The following SVEP1 variants were observed in gnomAD, a reference collection of about 807,000 sequenced individuals.
SVEP1 encodes the protein sushi, von Willebrand factor type A, EGF and pentraxin domain containing 1.
In SVEP1, 164 loss-of-function variants were observed where a neutral mutation model predicts 367.3. That is an observed-to-expected ratio of 0.45 (90% CI 0.39 to 0.51). SVEP1 has a LOEUF of 0.51. Ranked by LOEUF, SVEP1 falls within the 20% of genes least tolerant of loss-of-function variation. SVEP1 has a pLI of 0.00. For missense variants in SVEP1, 4,117 were observed against 4,425.3 expected (o/e 0.93, Z 1.98); for synonymous variants, 1,666 against 1,611.6 (o/e 1.03, Z -0.81).
rs564499879 is a variant in SVEP1, at chr9:110,540,116, ATTG to A, written c.964+5996_964+5998del. 5.4e-3 allele frequency among the ~76,000 whole-genome samples: 829 copies of A among 152,220 alleles called. 4 individuals are homozygous for A. The highest frequency in any genetic ancestry group is 9.7e-3 in the Non-Finnish European group (661 of 67,996). The stretch of plus-strand genomic sequence containing the variant: ...TAAGCACTATTTAATATTAGCTACT[ATTG>A]TTATTATTATCAGTTATTGCTCTCA... On this transcript the variant is annotated intron_variant, in intron 3 of 47. Transcript: ENST00000374469.
At chr9:110,452,444 G>C (rs993603466) in intron 22 of SVEP1, among the ~76,000 whole-genome samples, 5 of 152,184 alleles carry the variant, frequency 3.3e-5, no homozygotes, top group African/African-American at 1.2e-4. Flanking sequence ...GTAGGATACA[G>C]GTGCATAATT....
chr9:110,463,997 G>A (rs940792378), intron 18 of SVEP1, among the ~76,000 whole-genome samples: 1 of 151,984 alleles, frequency 6.6e-6, no homozygotes, highest in African/African-American at 2.4e-5. Flanking sequence ...TAATAATTTA[G>A]TATTAGACAA....
chr9:110,539,792 C>G (rs1830122338), intron 3 of SVEP1, among the ~76,000 whole-genome samples: 1 of 151,908 alleles, frequency 6.6e-6, no homozygotes, highest in Non-Finnish European at 1.5e-5. Flanking sequence ...GCTGCCAAAG[C>G]AAGCACAAAA....
rs961108797 is a variant in SVEP1, at chr9:110,394,577, G to A, written c.9823-4990C>T. Among the ~76,000 whole-genome samples the A allele has an allele frequency of 9.2e-5, 14 of 152,094 alleles. No homozygotes were observed. In the East Asian group the frequency reaches 1.5e-3, roughly 17 times the overall value. On this transcript the variant is annotated intron_variant, in intron 40 of 47. Coordinates refer to ENST00000374469, the MANE Select transcript of SVEP1 (RefSeq NM_153366.4). ...CTCAGCTACAGGAGGAAGTTCAAAC[G>A]AATGGCAAAGAAGTTAACAACTTTG...
At chr9:110,456,661 T>C (rs1405688656) in intron 21 of SVEP1, among the ~76,000 whole-genome samples, 1 of 152,208 alleles carries the variant, frequency 6.6e-6, no homozygotes, top group Non-Finnish European at 1.5e-5. Context: ...AAAATGATTA[T>C]TTTAAATTAA....
chr9:110,475,625 T>A (rs977959671), intron 14 of SVEP1, among the ~76,000 whole-genome samples: 1 of 151,752 alleles, frequency 6.6e-6, no homozygotes, highest in Non-Finnish European at 1.5e-5. Context: ...AGCCTCGAAC[T>A]CCTGGGCTCA....
chr9:110,511,080 G>T (rs1829703655), intron 5 of SVEP1, among the ~76,000 whole-genome samples: 1 of 152,154 alleles, frequency 6.6e-6, no homozygotes, highest in African/African-American at 2.4e-5. Context: ...CTCCTTGGTA[G>T]GTAGTGTTGT....
At chr9:110,402,222 C>A (rs1270702283) in intron 39 of SVEP1, among the ~76,000 whole-genome samples, 1 of 152,072 alleles carries the variant, frequency 6.6e-6, no homozygotes, top group African/African-American at 2.4e-5. Flanking sequence ...GAATCAGCTT[C>A]TGACTCATTA....
rs1280240663 is a variant in SVEP1, at chr9:110,401,727, AATT to A, written c.9667-721_9667-719del. ...ACCCAGAAAGATTTCTGCAAAAAAAAATTATTAAGGCACTACCTACACTATTGA... is the reference window on the plus strand; with the variant it reads ...ACCCAGAAAGATTTCTGCAAAAAAAAATTAAGGCACTACCTACACTATTGA... On this transcript the variant is annotated intron_variant, in intron 39 of 47. Transcript: ENST00000374469. 2.6e-5 allele frequency among the ~76,000 whole-genome samples: 4 copies of A among 152,010 alleles called. No homozygotes were observed. The East Asian group carries it at 7.8e-4, about 30-fold the overall frequency.
At chr9:110,570,751 G>GA (rs1429888017) in intron 1 of SVEP1, among the ~76,000 whole-genome samples, 1 of 151,994 alleles carries the variant, frequency 6.6e-6, no homozygotes, top group Non-Finnish European at 1.5e-5. Flanking sequence ...AAAGTGCTGG[G>GA]ATTATAGGCA....
chr9:110,575,301 T>C (rs1458903113), intron 1 of SVEP1, among the ~76,000 whole-genome samples: 1 of 152,134 alleles, frequency 6.6e-6, no homozygotes. Flanking sequence ...TGTACTCGAC[T>C]CATTACCCAT....
chr9:110,461,703 G>A (rs1564149454), intron 18 of SVEP1, among the ~76,000 whole-genome samples: 1 of 152,108 alleles, frequency 6.6e-6, no homozygotes, highest in Non-Finnish European at 1.5e-5. Flanking sequence ...ATTAACAAAA[G>A]AGCTCAATGA....
chr9:110,488,706 T>A (rs1225377923), intron 9 of SVEP1, among the ~76,000 whole-genome samples: 1 of 149,398 alleles, frequency 6.7e-6, no homozygotes, highest in Admixed American at 6.7e-5. Context: ...ACAAAAAAAT[T>A]AAAAAAAAAC....
chr9:110,539,747 A>G (rs1830121428), intron 3 of SVEP1, among the ~76,000 whole-genome samples: 1 of 151,922 alleles, frequency 6.6e-6, no homozygotes, highest in Non-Finnish European at 1.5e-5. Context: ...GGGCCATGCT[A>G]ATTTTCTCTG....
chr9:110,372,539 T>C (rs1265805633), intron 46 of SVEP1, among the ~76,000 whole-genome samples: 1 of 152,232 alleles, frequency 6.6e-6, no homozygotes, highest in East Asian at 1.9e-4. Context: ...ATCAGATCTA[T>C]TTATTAGCTT....
intron 3 of SVEP1, among the ~76,000 whole-genome samples, chr9:110,527,885 T>C (rs1829960809): frequency 6.6e-6 from 1 of 151,634 alleles, no homozygotes; most frequent in Admixed American, 6.6e-5. Flanking sequence ...GTCTCCAATG[T>C]CCATTATACC....
chr9:110,373,620 G>T (rs1402509224), intron 46 of SVEP1, among the ~76,000 whole-genome samples: 2 of 152,106 alleles, frequency 1.3e-5, no homozygotes, highest in African/African-American at 4.8e-5. Context: ...AATATAGCAA[G>T]CCCTATGTTT....
intron 45 of SVEP1, 162 bp downstream of exon 45, chr9:110,377,109 T>C: frequency 2.0e-6 from 1 of 489,710 alleles, no homozygotes; most frequent in Non-Finnish European, 3.6e-6. Context: ...ATTCTAGATC[T>C]TCTGCAACCT....
At chr9:110,558,247 C>T (rs1291525761) in intron 1 of SVEP1, among the ~76,000 whole-genome samples, 2 of 149,288 alleles carry the variant, frequency 1.3e-5, no homozygotes, top group Non-Finnish European at 3.0e-5. Flanking sequence ...TGGCTCACAC[C>T]TGTAATCCCA....
Sources: gnomAD v4.1 joint callset for allele counts (sites outside exome capture counted in the v4.1 genomes callset) on GRCh38, gnomAD v4.1.1 for gene constraint, MANE v1.5 for transcripts, NCBI Gene and HGNC (gene_info 2026-07-23, HGNC 2026-07-21) for gene names.